The following MARK2 variants were observed in gnomAD, a reference collection of about 807,000 sequenced individuals.
MARK2 encodes microtubule affinity regulating kinase 2, also known as serine/threonine-protein kinase MARK2.
A neutral mutation model predicts 89.8 loss-of-function variants in MARK2; 16 were observed. That is an observed-to-expected ratio of 0.18 (90% CI 0.12 to 0.27). The LOEUF is 0.27. MARK2 is among the 10% of genes least tolerant of loss of function. MARK2 has a pLI of 1.00. For missense variants in MARK2, 621 were observed against 1,049.9 expected, an observed-to-expected ratio of 0.59 and a Z score of 5.65; for synonymous variants, 382 against 399.5, an observed-to-expected ratio of 0.96 and a Z score of 0.52.
At position 63,864,351 on chromosome 11, in the gene MARK2, C is replaced by T. The variant is rs529013879; in HGVS notation, c.54+24791C>T. On this transcript the variant is annotated intron_variant, in intron 1 of 18. Transcript: ENST00000402010. ...CACCGCAACCTCCGCCTCCCAGGTT[C>T]AAGCGATTCTCCTGCCTCATCCTCC... Among the ~76,000 whole-genome samples, 413 of 152,306 alleles carry T rather than the reference C, an allele frequency of 2.7e-3. 2 individuals are homozygous for T. The highest frequency in any genetic ancestry group is 9.5e-3 in the African/African-American group (395 of 41,562).
At chr11:63,881,526 C>G (rs1475582315) in intron 1 of MARK2, among the ~76,000 whole-genome samples, 3 of 152,096 alleles carry the variant, frequency 2.0e-5, no homozygotes, top group African/African-American at 4.8e-5. Flanking sequence ...CTCTTGTTCC[C>G]TAAGTATTGT....
intron 1 of MARK2, among the ~76,000 whole-genome samples, chr11:63,872,390 G>C (rs569061469): frequency 6.6e-6 from 1 of 152,238 alleles, no homozygotes; most frequent in South Asian, 2.1e-4. Flanking sequence ...CACACTGCAG[G>C]GTCCAGGTCA....
At chr11:63,888,648 A>G (rs1431382323) in intron 1 of MARK2, 2 of 1,169,548 alleles carry the variant, frequency 1.7e-6, no homozygotes, top group South Asian at 3.3e-5. Context: ...CTGGCCCTTG[A>G]GAAGCCAGCG....
intron 1 of MARK2, among the ~76,000 whole-genome samples, chr11:63,876,240 GCCTTCAA>G (rs1258050786): frequency 4.1e-4 from 62 of 151,324 alleles, no homozygotes; most frequent in African/African-American, 1.4e-3. Context: ...TTCAAACTTA[GCCTTCAA>G]CTTCAGGACT....
At position 63,903,089 on chromosome 11, in the gene MARK2, G is replaced by A. The variant is rs1472964266; in HGVS notation, c.1445G>A (p.Arg482Gln). Reference sequence around the variant, plus strand: ...AGCGTCCTCTCCACCAGCACAAATCGAAGCAGGAATTCCCCACTTTTGGAG... The same window carrying A: ...AGCGTCCTCTCCACCAGCACAAATCAAAGCAGGAATTCCCCACTTTTGGAG... ...TNSVLSTSTN[R>Q]SRNSPLLERA... Residue 482 changes from arginine (R) to glutamine (Q), a missense_variant, in exon 14 of 19, where the codon CGA becomes CAA. Coordinates refer to ENST00000402010, the MANE Select transcript of MARK2 (RefSeq NM_001039469.3). This position sits in a 1 kb window ranked among gnomAD's most constrained non-coding sequence, Gnocchi z 5.1. The A allele has an allele frequency of 2.5e-6, 4 of 1,613,908 alleles. No individual in the cohort carries two copies. The highest frequency in any genetic ancestry group is 2.7e-5 in the African/African-American group (2 of 74,896).
chr11:63,885,425 G>C (rs1939334427), intron 1 of MARK2, among the ~76,000 whole-genome samples: 1 of 151,730 alleles, frequency 6.6e-6, no homozygotes, highest in South Asian at 2.1e-4. Context: ...TATAGTTGCA[G>C]CTATTCGGGA....
chr11:63,898,466 G>T (rs987845052), intron 4 of MARK2, 142 bp from the exon 5 acceptor site: 3 of 887,326 alleles, frequency 3.4e-6, no homozygotes, highest in Non-Finnish European at 5.5e-6. Context: ...AGTTTGGCTG[G>T]CATGAGAGGA....
chr11:63,876,082 AGTAGAGTGGCCTTTT>A (rs905036014), intron 1 of MARK2, among the ~76,000 whole-genome samples: 100 of 152,226 alleles, frequency 6.6e-4, no homozygotes, highest in African/African-American at 2.3e-3. Context: ...ATCAGGGGAG[AGTAGAGTGGCCTTTT>A]GTGGAAGGGA....
At position 63,906,158 on chromosome 11, in the gene MARK2, T is replaced by C. The variant is rs760688425; in HGVS notation, c.1961+44T>C. 31 of 1,268,188 alleles carry C rather than the reference T, an allele frequency of 2.4e-5. No homozygotes were observed. In the Admixed American group the frequency reaches 9.9e-4, roughly 40 times the overall value. 78.6% of individuals were successfully genotyped at this position (1,268,188 alleles called of 1,614,324 possible). A position where few individuals can be genotyped will look rare whatever the true frequency, so the allele number is the denominator to read the frequency against. On this transcript the variant is annotated intron_variant, in intron 17 of 18. Coordinates refer to ENST00000402010, the MANE Select transcript of MARK2 (RefSeq NM_001039469.3). The stretch of plus-strand genomic sequence containing the variant: ...GTGTGTGTGTGTGTGTGTGTGTGTC[T>C]GTGTCCTGTGTCCTGCCTCCATCAC...
In MARK2 at chr11:63,895,351, A is replaced by T; in HGVS notation, c.234+13A>T. On this transcript the variant is annotated intron_variant, in intron 2 of 18. Transcript: ENST00000402010. The stretch of plus-strand genomic sequence containing the variant: ...GACTGGGAAAGAGGTGAGCACTGGG[A>T]CTGGGGACATGGCAGCACCTCCCAG... 6.2e-7 allele frequency: 1 copy of T among 1,610,830 alleles called. No individual in the cohort carries two copies. Among genetic ancestry groups the T allele is most frequent in the Non-Finnish European group, 8.5e-7 (1 of 1,177,630 alleles).
chr11:63,881,433 G>C (rs925619583), intron 1 of MARK2, among the ~76,000 whole-genome samples: 1 of 152,210 alleles, frequency 6.6e-6, no homozygotes, highest in Admixed American at 6.5e-5. Flanking sequence ...AAGAAATTGT[G>C]ATCTTCCTTC....
At chr11:63,883,794 C>G (rs1315766081) in intron 1 of MARK2, among the ~76,000 whole-genome samples, 2 of 152,110 alleles carry the variant, frequency 1.3e-5, no homozygotes, top group Admixed American at 6.5e-5. Context: ...GCCATGTTGC[C>G]CAGGCTGGCC....
At chr11:63,889,350 C>T (rs1324649659) in intron 1 of MARK2, among the ~76,000 whole-genome samples, 1 of 152,248 alleles carries the variant, frequency 6.6e-6, no homozygotes, top group African/African-American at 2.4e-5. Flanking sequence ...CTGCTTCTGG[C>T]CAGGGAATAT....
intron 1 of MARK2, among the ~76,000 whole-genome samples, chr11:63,884,570 G>A (rs1439537222): frequency 6.6e-6 from 1 of 152,236 alleles, no homozygotes; most frequent in Non-Finnish European, 1.5e-5. Flanking sequence ...TATCCTTTGT[G>A]AAGGAGGCTC....
Position 63,899,033 on chromosome 11 carries a change from C to T in MARK2, c.475-19C>T. The T allele has an allele frequency of 6.3e-7, 1 of 1,598,642 alleles. No homozygotes were observed. The highest frequency in any genetic ancestry group is 8.6e-7 in the Non-Finnish European group (1 of 1,166,134). The stretch of plus-strand genomic sequence containing the variant: ...CACCCTCAGGCACCCCTGGGTTAAC[C>T]CTTCTTCCTTCCTTTCAGATAGTGT... On this transcript the variant is annotated intron_variant, in intron 6 of 18. Transcript: ENST00000402010.
Position 63,846,441 on chromosome 11 carries a change from C to T in MARK2, c.54+6881C>T, listed in dbSNP as rs536408313. 3.0e-4 allele frequency among the ~76,000 whole-genome samples: 45 copies of T among 151,662 alleles called. No homozygotes were observed. The South Asian group carries it at 8.6e-3, about 29-fold the overall frequency. ...TGCGATCTCAGCTCACTGCAACCTC[C>T]GCCTCCCGGATTCAAGTGATTCTCC... On this transcript the variant is annotated intron_variant, in intron 1 of 18. Transcript: ENST00000402010.
At chr11:63,869,833 G>C (rs1265010154) in intron 1 of MARK2, among the ~76,000 whole-genome samples, 5 of 152,194 alleles carry the variant, frequency 3.3e-5, no homozygotes, top group Non-Finnish European at 7.3e-5. Context: ...ACATGCAGAC[G>C]ATGCCCACTT....
chr11:63,858,109 C>T (rs1244200006), intron 1 of MARK2, among the ~76,000 whole-genome samples: 1 of 152,178 alleles, frequency 6.6e-6, no homozygotes, highest in East Asian at 1.9e-4. Context: ...TCACTACAAC[C>T]TCTGCCTCCT....
chr11:63,910,453 T>C lies in MARK2; in HGVS notation c.*1216T>C, dbSNP rs1410675860. 6.6e-6 allele frequency: 1 copy of C among 152,178 alleles called. No individual in the cohort carries two copies. Among genetic ancestry groups the C allele is most frequent in the Non-Finnish European group, 1.5e-5 (1 of 68,038 alleles). The allele number at this position is 152,178 out of a possible 1,614,324, so 9.4% of individuals were successfully genotyped here. A position where few individuals can be genotyped will look rare whatever the true frequency, so the allele number is the denominator to read the frequency against. The stretch of plus-strand genomic sequence containing the variant: ...CAGATAGGCTAAGCGACTCCCAGCT[T>C]GCTACCCTCAGTGGCCAGTGTGGGC... On this transcript the variant is annotated 3_prime_UTR_variant, in exon 19 of 19. Transcript: ENST00000402010.
Sources: gnomAD v4.1 joint callset for allele counts (sites outside exome capture counted in the v4.1 genomes callset) on GRCh38, gnomAD v4.1.1 for gene constraint, Gnocchi (gnomAD v3.1) non-coding constraint, MANE v1.5 for transcripts, NCBI Gene and HGNC (gene_info 2026-07-23, HGNC 2026-07-21) for gene names.